The following KNL1 variants were observed in gnomAD, a reference collection of about 807,000 sequenced individuals.
The protein encoded by KNL1 is outer kinetochore KNL1 complex subunit KNL1.
KNL1 carries 66 observed loss-of-function variants against 201.3 expected under a neutral mutation model. That is an observed-to-expected ratio of 0.33 (90% CI 0.27 to 0.40). KNL1 has a LOEUF of 0.40. Ranked by LOEUF, KNL1 falls within the 10% of genes least tolerant of loss-of-function variation. The probability of loss-of-function intolerance (pLI) is 1.00; values close to 1 mark genes in which losing one functional copy is unlikely to be tolerated. For missense variants in KNL1, 2,815 were observed against 2,690.5 expected, an observed-to-expected ratio of 1.05 and a Z score of -1.02; for synonymous variants, 895 against 899.2, an observed-to-expected ratio of 1.00 and a Z score of 0.08.
At chr15:40,598,190 AAAAG>A (rs1420512425) in intron 1 of KNL1, among the ~76,000 whole-genome samples, 2 of 151,930 alleles carry the variant, frequency 1.3e-5, no homozygotes, top group Admixed American at 6.6e-5. Context: ...AAAAAAAAGA[AAAAG>A]AAAAAAAAAG....
At chr15:40,652,836 T>C (rs1372491065) in intron 21 of KNL1, among the ~76,000 whole-genome samples, 2 of 151,908 alleles carry the variant, frequency 1.3e-5, no homozygotes, top group Non-Finnish European at 2.9e-5. Flanking sequence ...GTTTATCATC[T>C]AAAAGGATAA....
chr15:40,626,230 G>T (rs1042188660), intron 10 of KNL1, among the ~76,000 whole-genome samples: 3 of 151,892 alleles, frequency 2.0e-5, no homozygotes, highest in African/African-American at 4.8e-5. Context: ...TCAGCTCACT[G>T]CAACCTCTGC....
chr15:40,653,251 C>T (rs1411951189), intron 21 of KNL1, among the ~76,000 whole-genome samples: 1 of 152,078 alleles, frequency 6.6e-6, no homozygotes, highest in African/African-American at 2.4e-5. Flanking sequence ...TGCAGTAGTG[C>T]AATCTCTGCT....
At chr15:40,638,795 A>ATTTCTTTTTTTCTTTC (rs1184194210) in intron 13 of KNL1, among the ~76,000 whole-genome samples, 3 of 136,304 alleles carry the variant, frequency 2.2e-5, no homozygotes, top group African/African-American at 8.4e-5. Context: ...GCTGGCTGCC[A>ATTTCTTTTTTTCTTTC]TTTCTTTTTT....
intron 1 of KNL1, among the ~76,000 whole-genome samples, chr15:40,599,531 G>A (rs958809342): frequency 4.7e-5 from 7 of 150,250 alleles, no homozygotes; most frequent in Admixed American, 3.3e-4. Context: ...CTACATGTGC[G>A]AGCCACCATA....
In KNL1 at chr15:40,623,946, G is replaced by A. The variant is rs576599822; in HGVS notation, c.3682G>A (p.Glu1228Lys). 4.3e-6 allele frequency: 7 copies of A among 1,613,372 alleles called. No individual in the cohort carries two copies. Among genetic ancestry groups the A allele is most frequent in the African/African-American group, 2.7e-5 (2 of 75,012 alleles). ...AGGAAACAAAATAGTTCTTCACACC[G>A]AGCAAAAGCAACAACTCTTTGCTGC... ...AVGNKIVLHT[E>K]QKQQLFAATN... The change falls in exon 10 of 26, where the codon GAG becomes AAG. Residue 1228 changes from glutamate to lysine, a missense_variant. This residue lies in a region of KNL1 where 2,464 missense variants were observed against 2,291.7 expected (regional missense o/e 1.08). Transcript: ENST00000399668.
chr15:40,637,893 C>G (rs947395272), intron 13 of KNL1, among the ~76,000 whole-genome samples: 1 of 151,680 alleles, frequency 6.6e-6, no homozygotes, highest in Non-Finnish European at 1.5e-5. Context: ...ATCCAAAATA[C>G]TTAGCTGGGC....
chr15:40,607,263 C>T (rs1048914931), intron 4 of KNL1, among the ~76,000 whole-genome samples: 10 of 152,240 alleles, frequency 6.6e-5, no homozygotes, highest in Non-Finnish European at 1.3e-4. Flanking sequence ...GAAAGCACAT[C>T]TCACACATGC....
rs985034175 is a variant in KNL1 at position 40,630,068 on chromosome 15, G to A, written c.5682+697G>A. On this transcript the variant is annotated intron_variant, in intron 13 of 25. Coordinates refer to ENST00000399668, the MANE Select transcript of KNL1 (RefSeq NM_144508.5). Reference sequence around the variant, plus strand: ...AAACTGGATACAGTGGCAGGTGCCTGTAATCACAGCTACTCAAGAGGCTGA... The same window carrying A: ...AAACTGGATACAGTGGCAGGTGCCTATAATCACAGCTACTCAAGAGGCTGA... Among the ~76,000 whole-genome samples, 10 of 152,254 alleles carry A rather than the reference G, an allele frequency of 6.6e-5. No homozygotes were observed. In the South Asian group the frequency reaches 1.5e-3, roughly 22 times the overall value.
rs1443138356 is a variant in KNL1, at chr15:40,607,460, A to G, written c.135+1008A>G. Among the ~76,000 whole-genome samples the G allele has an allele frequency of 2.0e-5, 3 of 152,174 alleles. No individual in the cohort carries two copies. In the East Asian group the frequency reaches 5.8e-4, roughly 29 times the overall value. ...ACTGCTTTGATGCAGAGGGGTTACCATTTCTGATTCTTTATTATAATAAGA... is the reference window on the plus strand; with the variant it reads ...ACTGCTTTGATGCAGAGGGGTTACCGTTTCTGATTCTTTATTATAATAAGA... On this transcript the variant is annotated intron_variant, in intron 4 of 25. Transcript: ENST00000399668.
At chr15:40,640,330 A>G (rs141970499) in intron 13 of KNL1, among the ~76,000 whole-genome samples, 1 of 151,934 alleles carries the variant, frequency 6.6e-6, no homozygotes, top group Non-Finnish European at 1.5e-5. Flanking sequence ...TCCTGACCTC[A>G]AGTGATCTGC....
chr15:40,645,347 A>C (rs1893353678), intron 15 of KNL1, among the ~76,000 whole-genome samples: 1 of 152,214 alleles, frequency 6.6e-6, no homozygotes, highest in African/African-American at 2.4e-5. Context: ...TTTCACTTAG[A>C]TTTAGACGAA....
At chr15:40,642,661 T>G (rs918207319) in intron 14 of KNL1, among the ~76,000 whole-genome samples, 1 of 152,160 alleles carries the variant, frequency 6.6e-6, no homozygotes, top group Non-Finnish European at 1.5e-5. Flanking sequence ...AGAGTCTCGC[T>G]CTGTTGCCCA....
At chr15:40,599,312 CAAAA>C (rs547293277) in intron 1 of KNL1, among the ~76,000 whole-genome samples, 5 of 57,164 alleles carry the variant, frequency 8.7e-5, no homozygotes, top group Non-Finnish European at 7.2e-5. Context: ...GATTCTGCCT[CAAAA>C]AAAAAAAAAA....
At chr15:40,654,258 A>G (rs1893654290) in intron 21 of KNL1, among the ~76,000 whole-genome samples, 2 of 152,186 alleles carry the variant, frequency 1.3e-5, no homozygotes, top group African/African-American at 2.4e-5. Context: ...TTTTTACTGT[A>G]TTTATACAAT....
In KNL1 at chr15:40,602,918, A is replaced by C. The variant is rs1235967123; in HGVS notation, c.-14A>C. ...TAATATTGTATATTTGTTACAGAAA[A>C]GTTTTCTTCAAAAATGGATGGGGTG... On this transcript the variant is annotated 5_prime_UTR_variant, in exon 2 of 26. Coordinates refer to ENST00000399668, the MANE Select transcript of KNL1 (RefSeq NM_144508.5). 6.4e-7 allele frequency: 1 copy of C among 1,559,056 alleles called. No individual in the cohort carries two copies. Among genetic ancestry groups the C allele is most frequent in the Non-Finnish European group, 8.8e-7 (1 of 1,135,166 alleles).
In KNL1 at chr15:40,621,445, A is replaced by G. The variant is rs1892522987; in HGVS notation, c.1181A>G (p.Glu394Gly). 3.7e-6 allele frequency: 6 copies of G among 1,613,956 alleles called. No individual in the cohort carries two copies. The highest frequency in any genetic ancestry group is 5.1e-6 in the Non-Finnish European group (6 of 1,179,936). Residue 394 changes from glutamate (E) to glycine (G), a missense_variant, in exon 10 of 26, where the codon GAA (glutamate) becomes GGA (glycine). Glu to Gly is a moderately conservative substitution (Grantham distance 98, BLOSUM62 -2). Coordinates refer to ENST00000399668, the MANE Select transcript of KNL1 (RefSeq NM_144508.5). ...ACCAGAAGTCATATTATGGGGGCAG[A>G]AACTCACATAGTCTCACAGACTTGT... is the stretch of plus-strand genomic sequence containing the variant. Reference protein sequence around the residue: ...HITRSHIMGAETHIVSQTCNQ... With the variant: ...HITRSHIMGAGTHIVSQTCNQ...
rs554731848 is a variant in KNL1, at chr15:40,609,844, AAAAT to A, written c.198-381_198-378del. ...AACAAATGGCTCAGAATCTTAGTTA[AAAAT>A]AAATAAATAAATAAATAAACTATAA... On this transcript the variant is annotated intron_variant, in intron 5 of 25. Coordinates refer to ENST00000399668, the MANE Select transcript of KNL1 (RefSeq NM_144508.5). Among the ~76,000 whole-genome samples the A allele has an allele frequency of 4.0e-4, 61 of 152,276 alleles. 1 individual carries two copies. In the South Asian group the frequency reaches 7.7e-3, roughly 19 times the overall value.
At chr15:40,606,739 C>T (rs752613888) in intron 4 of KNL1, among the ~76,000 whole-genome samples, 1 of 152,136 alleles carries the variant, frequency 6.6e-6, no homozygotes, top group Non-Finnish European at 1.5e-5. Context: ...GCTGGGACTA[C>T]GGCACATGCC....
Sources: gnomAD v4.1 joint callset for allele counts (sites outside exome capture counted in the v4.1 genomes callset) on GRCh38, gnomAD v4.1.1 for gene constraint, gnomAD v4.1.1 regional missense constraint, MANE v1.5 for transcripts, NCBI Gene and HGNC (gene_info 2026-07-23, HGNC 2026-07-21) for gene names.